SYNRG: variants seen among roughly 807,000 people sequenced by gnomAD.
SYNRG encodes AP1 gamma subunit binding protein 1.
In SYNRG, 37 loss-of-function variants were observed where a neutral mutation model predicts 130.9. The ratio of observed to expected loss-of-function variants is 0.28; its 90% CI spans 0.22 to 0.37. The LOEUF is 0.37. Among genes scored for constraint, SYNRG ranks in the 10% least tolerant of loss-of-function variants. SYNRG has a pLI of 1.00. For synonymous variants in SYNRG, 539 were observed against 568.1 expected (o/e 0.95, Z 0.73); for missense variants, 1,338 against 1,588.9 (o/e 0.84, Z 2.68).
chr17:37,551,728 C>G (rs1215604083), intron 14 of SYNRG, among the ~76,000 whole-genome samples: 1 of 150,248 alleles, frequency 6.7e-6, no homozygotes, highest in Non-Finnish European at 1.5e-5. Context: ...AATAAAAATC[C>G]AATATTGTTC....
At chr17:37,550,872 A>G (rs1393385264) in intron 14 of SYNRG, among the ~76,000 whole-genome samples, 1 of 152,220 alleles carries the variant, frequency 6.6e-6, no homozygotes, top group Non-Finnish European at 1.5e-5. Context: ...ACTGCACGTC[A>G]AGATGCTTCA....
chr17:37,529,530 A>G (rs1305772250), intron 19 of SYNRG, among the ~76,000 whole-genome samples: 1 of 105,146 alleles, frequency 9.5e-6, no homozygotes, highest in Non-Finnish European at 2.0e-5. Flanking sequence ...ACATGTATAT[A>G]TATTTTACAA....
rs965770701 is a variant in SYNRG, at chr17:37,534,631, A to G, written c.3666+1348T>C. Among the ~76,000 whole-genome samples, 4 of 152,168 alleles carry G rather than the reference A, an allele frequency of 2.6e-5. 1 individual carries two copies. Among genetic ancestry groups the G allele is most frequent in the Non-Finnish European group, 2.9e-5 (2 of 68,038 alleles). On this transcript the variant is annotated intron_variant, in intron 19 of 21. Coordinates refer to ENST00000612223, the MANE Select transcript of SYNRG (RefSeq NM_007247.6). ...CATTTCTTATTTCACTTGCCAGAACAGTATTTTTTTTTTTAATTATCTACA... is the reference window on the plus strand; with the variant it reads ...CATTTCTTATTTCACTTGCCAGAACGGTATTTTTTTTTTTAATTATCTACA...
intron 6 of SYNRG, among the ~76,000 whole-genome samples, chr17:37,583,051 C>T (rs996719697): frequency 1.3e-5 from 2 of 150,328 alleles, no homozygotes; most frequent in African/African-American, 4.9e-5. Flanking sequence ...AGTGCAGTGG[C>T]GCAGTCTCGA....
At chr17:37,556,649 T>C (rs1383325414) in intron 13 of SYNRG, among the ~76,000 whole-genome samples, 1 of 152,082 alleles carries the variant, frequency 6.6e-6, no homozygotes, top group Non-Finnish European at 1.5e-5. Flanking sequence ...GGAATTCATC[T>C]AATAAGAGAG....
chr17:37,526,899 A>G (rs920420509), intron 19 of SYNRG, among the ~76,000 whole-genome samples: 1 of 152,194 alleles, frequency 6.6e-6, no homozygotes, highest in African/African-American at 2.4e-5. Flanking sequence ...GGACATGGGT[A>G]GCTTTGAGGG....
At chr17:37,571,682 A>G (rs775411761) in intron 9 of SYNRG, 109 bp downstream of exon 9, 117 of 977,142 alleles carry the variant, frequency 1.2e-4, no homozygotes, top group Non-Finnish European at 1.4e-4. Flanking sequence ...CCTGAAAATG[A>G]TCTAAATTTT....
intron 15 of SYNRG, chr17:37,541,522 C>G (rs1158872528): frequency 6.1e-6 from 1 of 162,834 alleles, no homozygotes; most frequent in Admixed American, 6.0e-5. Flanking sequence ...CTTTTAAATA[C>G]TGGCAATTAC....
At chr17:37,529,842 C>T in intron 19 of SYNRG, 1 of 1,551,452 alleles carries the variant, frequency 6.4e-7, no homozygotes, top group Non-Finnish European at 8.7e-7. Context: ...GTCATCTTTT[C>T]CCAGCAGCAC....
chr17:37,585,477 ACT>A (rs1479290156), intron 4 of SYNRG, 47 bp from the exon 5 acceptor site: 1 of 1,299,332 alleles, frequency 7.7e-7, no homozygotes, highest in Non-Finnish European at 1.1e-6. Flanking sequence ...GGGATTATAC[ACT>A]GTGTTTTATA....
chr17:37,523,402 C>G (rs1201258982), intron 19 of SYNRG, among the ~76,000 whole-genome samples: 1 of 152,234 alleles, frequency 6.6e-6, no homozygotes, highest in African/African-American at 2.4e-5. Flanking sequence ...TCAAGCAATC[C>G]TCCCACCTCA....
intron 6 of SYNRG, among the ~76,000 whole-genome samples, chr17:37,578,610 T>C (rs1300462291): frequency 1.3e-5 from 2 of 152,156 alleles, no homozygotes; most frequent in Non-Finnish European, 2.9e-5. Context: ...AATGAGACAG[T>C]CTGGACTAAG....
At chr17:37,600,711 G>A in intron 1 of SYNRG, 1 of 478,328 alleles carries the variant, frequency 2.1e-6, no homozygotes, top group Non-Finnish European at 3.8e-6. Flanking sequence ...ATTCAATTCA[G>A]TCAACATCTA....
intron 14 of SYNRG, among the ~76,000 whole-genome samples, 166 bp from the exon 15 acceptor site, chr17:37,542,731 A>T (rs1384418712): frequency 6.6e-6 from 1 of 152,164 alleles, no homozygotes; most frequent in African/African-American, 2.4e-5. Context: ...GTAAAATCTG[A>T]TCTTAAAAAA....
chr17:37,533,925 T>C (rs1488198897), intron 19 of SYNRG, among the ~76,000 whole-genome samples: 1 of 136,634 alleles, frequency 7.3e-6, no homozygotes, highest in Non-Finnish European at 1.5e-5. Flanking sequence ...CATTTTCTTT[T>C]CTTTTTTTTT....
chr17:37,557,111 G>C (rs1345443639), intron 13 of SYNRG: 1 of 152,150 alleles, frequency 6.6e-6, no homozygotes, highest in African/African-American at 2.4e-5. Flanking sequence ...ATTATTTCAT[G>C]GTTAGATTTT....
At chr17:37,565,278 A>T (rs1346515846) in intron 11 of SYNRG, among the ~76,000 whole-genome samples, 5 of 151,508 alleles carry the variant, frequency 3.3e-5, no homozygotes, top group Non-Finnish European at 7.4e-5. Context: ...AAAAAAAAAT[A>T]GTTTCATTCA....
intron 17 of SYNRG, 23 bp from the exon 18 acceptor site, chr17:37,538,443 A>AC: frequency 6.6e-7 from 1 of 1,511,588 alleles, no homozygotes; most frequent in Non-Finnish European, 9.1e-7. Flanking sequence ...AAATCACATC[A>AC]CCTTACATAA....
At chr17:37,523,071 G>A (rs960118597) in intron 19 of SYNRG, among the ~76,000 whole-genome samples, 1 of 152,146 alleles carries the variant, frequency 6.6e-6, no homozygotes, top group East Asian at 1.9e-4. Context: ...CTGAAAGCTA[G>A]ACAAGAGTAA....
Sources: allele counts gnomAD v4.1 joint callset (sites outside exome capture counted in the v4.1 genomes callset), GRCh38; gene constraint gnomAD v4.1.1; transcripts MANE v1.5; gene names NCBI Gene and HGNC (gene_info 2026-07-23, HGNC 2026-07-21).